The following SNX18 variants were observed in gnomAD, a reference collection of about 807,000 sequenced individuals.
SNX18 encodes sorting nexin-18.
A neutral mutation model predicts 48.7 loss-of-function variants in SNX18; 35 were observed. That is an observed-to-expected ratio of 0.72 (90% CI 0.55 to 0.95). SNX18 has a LOEUF of 0.95. Among genes scored for constraint, SNX18 ranks in the 40% least tolerant of loss-of-function variants. SNX18 has a pLI of 0.00. For missense variants in SNX18, 824 were observed against 871.0 expected (o/e 0.95, Z 0.68); for synonymous variants, 492 against 384.7 (o/e 1.28, Z -3.26).
the SNX18 span, among the ~76,000 whole-genome samples, chr5:54,563,234 A>G: frequency 6.6e-6 from 1 of 152,206 alleles, no homozygotes; most frequent in East Asian, 1.9e-4. Flanking sequence ...TATAAAGTCT[A>G]CCATGGTGTA....
the SNX18 span, among the ~76,000 whole-genome samples, chr5:54,642,503 G>T: frequency 6.6e-6 from 1 of 152,240 alleles, no homozygotes; most frequent in South Asian, 2.1e-4. Context: ...GCCAAACAGG[G>T]TCAACGTGGG....
chr5:54,565,497 C>T, the SNX18 span, among the ~76,000 whole-genome samples: 1 of 152,014 alleles, frequency 6.6e-6, no homozygotes, highest in African/African-American at 2.4e-5. Flanking sequence ...CACTTAAACC[C>T]AGGTCATTGA....
the SNX18 span, among the ~76,000 whole-genome samples, chr5:54,613,140 G>A: frequency 6.6e-6 from 1 of 152,212 alleles, no homozygotes; most frequent in African/African-American, 2.4e-5. Context: ...GAGATGTTGG[G>A]TATGCCATAA....
chr5:54,520,466 T>TAGGG (rs1427814133), intron 1 of SNX18: 2 of 167,206 alleles, frequency 1.2e-5, no homozygotes, highest in Non-Finnish European at 2.9e-5. Flanking sequence ...GTGTGGGAGT[T>TAGGG]AGGGAGGCAG....
chr5:54,642,650 G>A, the SNX18 span, among the ~76,000 whole-genome samples: 1 of 152,188 alleles, frequency 6.6e-6, no homozygotes, highest in African/African-American at 2.4e-5. Context: ...GATTCTGCTG[G>A]AAGCAAACTT....
chr5:54,626,922 A>C, the SNX18 span, among the ~76,000 whole-genome samples: 1 of 152,196 alleles, frequency 6.6e-6, no homozygotes, highest in Non-Finnish European at 1.5e-5. Flanking sequence ...TTGGAGGAGA[A>C]TCTGTTGTCA....
chr5:54,643,855 T>C, the SNX18 span: 1 of 152,194 alleles, frequency 6.6e-6, no homozygotes, highest in African/African-American at 2.4e-5. Flanking sequence ...TTCAGGAATG[T>C]ATATTGCTTC....
At chr5:54,607,107 GTAA>G in the SNX18 span, among the ~76,000 whole-genome samples, 1,349 of 152,220 alleles carry the variant, frequency 8.9e-3, 11 homozygotes, top group African/African-American at 0.03. Flanking sequence ...TGGTTCCTGG[GTAA>G]TAATAATGAG....
the SNX18 span, among the ~76,000 whole-genome samples, chr5:54,572,082 G>A: frequency 2.0e-5 from 3 of 152,162 alleles, no homozygotes; most frequent in Non-Finnish European, 4.4e-5. Flanking sequence ...AGCCCTAGAT[G>A]ATTGATTTAC....
At chr5:54,612,264 ATTT>A in the SNX18 span, among the ~76,000 whole-genome samples, 4 of 148,616 alleles carry the variant, frequency 2.7e-5, no homozygotes, top group Admixed American at 1.3e-4. Flanking sequence ...ATTTTTTTTT[ATTT>A]TTTTTTTTTG....
chr5:54,524,061 C>G (rs561399076), intron 1 of SNX18, among the ~76,000 whole-genome samples: 7 of 152,302 alleles, frequency 4.6e-5, no homozygotes, highest in Admixed American at 2.0e-4. Flanking sequence ...GAACCCATTT[C>G]TCCTCTCCCC....
chr5:54,626,472 G>A, the SNX18 span, among the ~76,000 whole-genome samples: 5 of 152,160 alleles, frequency 3.3e-5, no homozygotes, highest in African/African-American at 7.2e-5. Context: ...ATTTCAGTTC[G>A]CTTGTCCTAA....
the SNX18 span, among the ~76,000 whole-genome samples, chr5:54,588,351 G>T: frequency 1.3e-5 from 1 of 74,730 alleles, no homozygotes; most frequent in African/African-American, 5.5e-5. Flanking sequence ...TTTTTGAGAC[G>T]GAGTCTCTCA....
chr5:54,542,414 A>G (rs72765749), intron 1 of SNX18, among the ~76,000 whole-genome samples: 45 of 152,216 alleles, frequency 3.0e-4, no homozygotes, highest in Non-Finnish European at 5.7e-4. Flanking sequence ...GTCCCAAAAA[A>G]GGGGCAAATT....
At chr5:54,528,734 A>G (rs753592956) in intron 1 of SNX18, among the ~76,000 whole-genome samples, 4 of 152,170 alleles carry the variant, frequency 2.6e-5, no homozygotes, top group Non-Finnish European at 4.4e-5. Flanking sequence ...TGGGCAGTGG[A>G]TAGGAAGGTT....
chr5:54,582,513 C>T, the SNX18 span, among the ~76,000 whole-genome samples: 3 of 152,130 alleles, frequency 2.0e-5, no homozygotes, highest in East Asian at 5.8e-4. Flanking sequence ...AACCCCAGCA[C>T]TTTGGGAGGC....
At chr5:54,636,765 G>T in the SNX18 span, among the ~76,000 whole-genome samples, 1 of 152,274 alleles carries the variant, frequency 6.6e-6, no homozygotes, top group East Asian at 1.9e-4. Context: ...TATAACACTT[G>T]AAAGAATACC....
intron 1 of SNX18, among the ~76,000 whole-genome samples, chr5:54,527,687 TTGTC>T (rs1762162278): frequency 1.3e-5 from 2 of 152,214 alleles, no homozygotes; most frequent in Admixed American, 6.5e-5. Context: ...TTGTGAATAA[TTGTC>T]TGTGCGGTGC....
At chr5:54,614,561 C>T in the SNX18 span, among the ~76,000 whole-genome samples, 3 of 152,154 alleles carry the variant, frequency 2.0e-5, no homozygotes, top group East Asian at 1.9e-4. Flanking sequence ...AATCCCACCA[C>T]TTTGGGAGGC....
Sources: gnomAD v4.1 joint callset for allele counts (sites outside exome capture counted in the v4.1 genomes callset) on GRCh38, gnomAD v4.1.1 for gene constraint, MANE v1.5 for transcripts, NCBI Gene and HGNC (gene_info 2026-07-23, HGNC 2026-07-21) for gene names.